Variants in ASB11 observed in about 807,000 individuals in gnomAD.
ASB11 encodes the protein ankyrin repeat and SOCS box containing 11.
Under a neutral mutation model 20.1 loss-of-function variants are expected in ASB11, and 17 were observed. The ratio of observed to expected loss-of-function variants is 0.85; its 90% CI spans 0.58 to 1.27. The LOEUF (loss-of-function observed/expected upper bound fraction) is 1.27, where lower values mean the gene tolerates loss of function less well. ASB11 is among the 50% of genes most tolerant of loss of function. The pLI, the probability that ASB11 is intolerant of heterozygous loss-of-function variation, is 0.00. For synonymous variants in ASB11, 107 were observed against 105.6 expected (o/e 1.01, Z -0.08); for missense variants, 259 against 256.9 (o/e 1.01, Z -0.06).
intron 1 of ASB11, among the ~76,000 whole-genome samples, chrX:15,312,737 T>C (rs904166053): frequency 8.9e-6 from 1 of 112,263 alleles, no homozygotes; most frequent in Middle Eastern, 4.6e-3. Flanking sequence ...GTCTGACCAG[T>C]GCAAAAGTGA....
At chrX:15,301,619 G>A (rs759594699) in intron 2 of ASB11, among the ~76,000 whole-genome samples, 2 of 112,027 alleles carry the variant, frequency 1.8e-5, no homozygotes, top group Middle Eastern at 4.7e-3. Flanking sequence ...TGATTGCCTA[G>A]TTGTGGAAGA....
intron 1 of ASB11, chrX:15,314,598 T>A (rs1431743913): frequency 1.1e-6 from 1 of 946,402 alleles, no homozygotes; most frequent in Admixed American, 4.1e-5. Flanking sequence ...TGAAAGAGAA[T>A]CCTGGATGCA....
intron 2 of ASB11, among the ~76,000 whole-genome samples, chrX:15,301,957 G>A (rs1921082243): frequency 9.0e-6 from 1 of 111,603 alleles, no homozygotes; most frequent in South Asian, 3.8e-4. Context: ...TATAATCCCT[G>A]CCCCTTGAGT....
chrX:15,285,802 G>A (rs1404258051), intron 6 of ASB11, among the ~76,000 whole-genome samples: 1 of 109,931 alleles, frequency 9.1e-6, no homozygotes, highest in Non-Finnish European at 1.9e-5. Flanking sequence ...TCAGGAGTTC[G>A]AGACCAGCCT....
At chrX:15,314,057 C>CA (rs760402919) in intron 1 of ASB11, among the ~76,000 whole-genome samples, 8,535 of 33,851 alleles carry the variant, frequency 0.25, 961 homozygotes, top group East Asian at 0.49. Flanking sequence ...GACTCCATCT[C>CA]AAAAAAAAAA....
rs1555938404 is a variant in ASB11, at chrX:15,284,267, A to AAAG, written c.848-639_848-638insCTT. 8.2e-4 allele frequency among the ~76,000 whole-genome samples: 73 copies of AAAG among 88,849 alleles called. No individual in the cohort carries two copies. The South Asian group carries it at 0.01, about 13-fold the overall frequency. The allele number at this position is 88,849 out of a possible 115,157, so 77.2% of individuals were successfully genotyped here. A position where few individuals can be genotyped will look rare whatever the true frequency, so the allele number is the denominator to read the frequency against. Reference sequence around the variant, plus strand: ...ACTCCGCCTCAAAAAAAAAAAAAAAAAAAGAAAGAAAGAAAGAAAGTAATA... The same window carrying AAAG: ...ACTCCGCCTCAAAAAAAAAAAAAAAAAAGAAAGAAAGAAAGAAAGAAAGTAATA... On this transcript the variant is annotated intron_variant, in intron 6 of 6. Coordinates refer to ENST00000480796, the MANE Select transcript of ASB11 (RefSeq NM_080873.3).
At chrX:15,298,469 T>C (rs1920989146) in intron 2 of ASB11, among the ~76,000 whole-genome samples, 1 of 111,149 alleles carries the variant, frequency 9.0e-6, no homozygotes, top group Non-Finnish European at 1.9e-5. Context: ...AGCTAGGTCA[T>C]GAAAGGCCTT....
At chrX:15,303,884 G>A (rs772149642) in intron 1 of ASB11, among the ~76,000 whole-genome samples, 10 of 112,383 alleles carry the variant, frequency 8.9e-5, no homozygotes, top group South Asian at 3.6e-4. Flanking sequence ...CCTTAGAGCC[G>A]CCTTCCAGAC....
At chrX:15,303,080 C>T (rs1187330872) in intron 1 of ASB11, among the ~76,000 whole-genome samples, 1 of 111,385 alleles carries the variant, frequency 9.0e-6, no homozygotes, top group East Asian at 2.8e-4. Flanking sequence ...AGATTTAGTT[C>T]AAAAATATAG....
At chrX:15,312,460 C>A (rs1602200929) in intron 1 of ASB11, among the ~76,000 whole-genome samples, 1 of 74,130 alleles carries the variant, frequency 1.3e-5, no homozygotes, top group Non-Finnish European at 2.6e-5. Context: ...GGTTTTACAG[C>A]ACAAAGAATG....
intron 1 of ASB11, among the ~76,000 whole-genome samples, chrX:15,303,213 C>T (rs760205146): frequency 3.6e-5 from 4 of 111,414 alleles, no homozygotes; most frequent in African/African-American, 1.3e-4. Flanking sequence ...AAAGACTCAA[C>T]AGCCTGTGTA....
intron 1 of ASB11, among the ~76,000 whole-genome samples, chrX:15,305,606 T>TAGAA (rs1297276312): frequency 9.5e-6 from 1 of 105,483 alleles, no homozygotes; most frequent in African/African-American, 3.7e-5. Context: ...ATTAGATAGA[T>TAGAA]AGATAGATAG....
chrX:15,287,846 T>C (rs1408115229), intron 6 of ASB11, 35 bp downstream of exon 6: 2 of 1,165,128 alleles, frequency 1.7e-6, no homozygotes, highest in Non-Finnish European at 2.3e-6. Context: ...AGAATGTGCT[T>C]ATGGAAGAGG....
chrX:15,285,825 G>A (rs774541045), intron 6 of ASB11, among the ~76,000 whole-genome samples: 1 of 110,042 alleles, frequency 9.1e-6, no homozygotes, highest in Admixed American at 9.7e-5. Context: ...CCAACATGAT[G>A]AAACCCCATC....
At chrX:15,288,778 C>G (rs1158820749) in intron 5 of ASB11, among the ~76,000 whole-genome samples, 1 of 110,053 alleles carries the variant, frequency 9.1e-6, no homozygotes, top group African/African-American at 3.3e-5. Flanking sequence ...CCAGCTACTC[C>G]GGCGGCTAGG....
At chrX:15,309,558 C>T (rs957317614) in intron 1 of ASB11, among the ~76,000 whole-genome samples, 4 of 110,613 alleles carry the variant, frequency 3.6e-5, no homozygotes, top group Non-Finnish European at 7.6e-5. Flanking sequence ...AAAACCATCC[C>T]CCCACACCCT....
At chrX:15,292,640 T>G (rs1927562839) in intron 4 of ASB11, among the ~76,000 whole-genome samples, 1 of 112,606 alleles carries the variant, frequency 8.9e-6, no homozygotes, top group Admixed American at 9.5e-5. Flanking sequence ...AACTATGACC[T>G]TGAAGTCATC....
intron 3 of ASB11, among the ~76,000 whole-genome samples, chrX:15,297,267 C>T (rs112393052): frequency 0.016 from 1,815 of 110,436 alleles, 33 homozygotes; most frequent in African/African-American, 0.056. Flanking sequence ...CCAGCCTGGG[C>T]GACAGAGTGA....
intron 4 of ASB11, among the ~76,000 whole-genome samples, chrX:15,292,385 T>C (rs760816910): frequency 1.2e-4 from 14 of 112,309 alleles, no homozygotes; most frequent in Non-Finnish European, 2.4e-4. Flanking sequence ...GATCTCAGTA[T>C]AAGAGAACAA....
Sources: gnomAD v4.1 joint callset for allele counts (sites outside exome capture counted in the v4.1 genomes callset) on GRCh38, gnomAD v4.1.1 for gene constraint, MANE v1.5 for transcripts, NCBI Gene and HGNC (gene_info 2026-07-23, HGNC 2026-07-21) for gene names.